The following TXNDC16 variants were observed in gnomAD, a reference collection of about 807,000 sequenced individuals.
TXNDC16 encodes thioredoxin domain-containing protein 16.
In TXNDC16, 74 loss-of-function variants were observed where a neutral mutation model predicts 85.6. That is an observed-to-expected ratio of 0.86 (90% CI 0.72 to 1.05). The LOEUF (loss-of-function observed/expected upper bound fraction) is 1.05, where lower values mean the gene tolerates loss of function less well. Among genes scored for constraint, TXNDC16 ranks in the 50% least tolerant of loss-of-function variants. TXNDC16 has a pLI of 0.00. For missense variants in TXNDC16, 959 were observed against 947.0 expected, an observed-to-expected ratio of 1.01 and a Z score of -0.17; for synonymous variants, 335 against 326.5, an observed-to-expected ratio of 1.03 and a Z score of -0.28.
intron 6 of TXNDC16, among the ~76,000 whole-genome samples, chr14:52,535,735 C>CT (rs1430165738): frequency 6.6e-6 from 1 of 152,134 alleles, no homozygotes; most frequent in Non-Finnish European, 1.5e-5. Flanking sequence ...AAAACTTAAA[C>CT]TTTCTCTCAG....
intron 12 of TXNDC16, among the ~76,000 whole-genome samples, chr14:52,483,632 G>C (rs2036199788): frequency 6.6e-6 from 1 of 152,192 alleles, no homozygotes; most frequent in South Asian, 2.1e-4. Context: ...GCAGTGGCTA[G>C]ATCATAAGAG....
At chr14:52,519,130 T>C (rs1594749023) in intron 7 of TXNDC16, 42 bp downstream of exon 7, 6 of 1,586,594 alleles carry the variant, frequency 3.8e-6, no homozygotes, top group Non-Finnish European at 5.1e-6. Flanking sequence ...CATACATAAG[T>C]ACAGAGGCAC....
chr14:52,466,784 G>A (rs1378664261), intron 16 of TXNDC16, among the ~76,000 whole-genome samples: 4 of 151,210 alleles, frequency 2.6e-5, no homozygotes, highest in African/African-American at 4.9e-5. Flanking sequence ...GGAGAATGGC[G>A]TGAACCCGGG....
chr14:52,516,039 T>C lies in TXNDC16; in HGVS notation c.515-1069A>G, dbSNP rs2037075805. The stretch of plus-strand genomic sequence containing the variant: ...AAACTCTTCCACAATTTTCTAACTC[T>C]CTCAATACTTCAAATATATCAAGTA... On this transcript the variant is annotated intron_variant, in intron 7 of 20. Transcript: ENST00000281741. 2.0e-5 allele frequency among the ~76,000 whole-genome samples: 3 copies of C among 152,150 alleles called. No homozygotes were observed. In the South Asian group the frequency reaches 6.2e-4, roughly 31 times the overall value.
intron 7 of TXNDC16, among the ~76,000 whole-genome samples, chr14:52,515,666 CAT>C (rs200196021): frequency 3.1e-4 from 34 of 109,772 alleles, no homozygotes; most frequent in Non-Finnish European, 5.1e-4. Flanking sequence ...TTATTTCATA[CAT>C]ATGTGTGTGT....
intron 9 of TXNDC16, among the ~76,000 whole-genome samples, chr14:52,510,925 A>C (rs1462033583): frequency 2.0e-5 from 3 of 152,200 alleles, no homozygotes; most frequent in Non-Finnish European, 4.4e-5. Context: ...GTGCTCACCA[A>C]GACCCAGAGT....
intron 18 of TXNDC16, among the ~76,000 whole-genome samples, chr14:52,450,850 G>GTT (rs1360922236): frequency 1.2e-4 from 7 of 58,976 alleles, no homozygotes; most frequent in East Asian, 5.6e-4. Flanking sequence ...AAGAAAATGT[G>GTT]TTTTATATAT....
At chr14:52,498,933 T>C (rs2036593283) in intron 9 of TXNDC16, among the ~76,000 whole-genome samples, 1 of 152,066 alleles carries the variant, frequency 6.6e-6, no homozygotes, top group Non-Finnish European at 1.5e-5. Context: ...ATTACAAAGC[T>C]ACAGTAATCA....
chr14:52,481,878 C>T (rs2036158934), intron 14 of TXNDC16, among the ~76,000 whole-genome samples: 1 of 152,120 alleles, frequency 6.6e-6, no homozygotes, highest in Non-Finnish European at 1.5e-5. Context: ...GGTCTTGAAT[C>T]TGCCAAATTT....
rs746403788 is a variant in TXNDC16, at chr14:52,488,381, T to A, written c.1090A>T (p.Met364Leu). ...EEIQEDEDNDMEGPDIDVQDD... is the reference protein window; with the variant it reads ...EEIQEDEDNDLEGPDIDVQDD... ...ACATTACCTATATCTGGACCTTCCATGTCATTGTCTTCATCTTCTTGTATT... is the reference window on the plus strand; with the variant it reads ...ACATTACCTATATCTGGACCTTCCAAGTCATTGTCTTCATCTTCTTGTATT... Residue 364 changes from methionine to leucine, a missense_variant, in exon 12 of 21, where the codon ATG becomes TTG. By Grantham distance (15) the Met-to-Leu change is conservative (BLOSUM62 2). Transcript: ENST00000281741. The A allele has an allele frequency of 1.2e-6, 2 of 1,613,718 alleles. No individual in the cohort carries two copies. Among genetic ancestry groups the A allele is most frequent in the Non-Finnish European group, 1.7e-6 (2 of 1,179,736 alleles).
intron 7 of TXNDC16, among the ~76,000 whole-genome samples, chr14:52,515,669 A>ATGTGTGTGTG (rs57407287): frequency 7.6e-5 from 11 of 144,242 alleles, no homozygotes; most frequent in African/African-American, 2.3e-4. Flanking sequence ...TTTCATACAT[A>ATGTGTGTGTG]TGTGTGTGTG....
At chr14:52,446,070 T>C (rs2035276752) in intron 18 of TXNDC16, among the ~76,000 whole-genome samples, 1 of 152,110 alleles carries the variant, frequency 6.6e-6, no homozygotes, top group African/African-American at 2.4e-5. Context: ...ATTTAACAAC[T>C]ATCTACACAA....
chr14:52,489,123 T>G (rs571076267), intron 11 of TXNDC16, among the ~76,000 whole-genome samples: 97 of 152,290 alleles, frequency 6.4e-4, no homozygotes, highest in African/African-American at 1.9e-3. Flanking sequence ...TATACAATTT[T>G]ACTGCAAATA....
At chr14:52,458,068 A>G (rs1452420547) in intron 16 of TXNDC16, among the ~76,000 whole-genome samples, 1 of 152,228 alleles carries the variant, frequency 6.6e-6, no homozygotes, top group Non-Finnish European at 1.5e-5. Context: ...CTGAACCCAA[A>G]GATCTGTACC....
At chr14:52,526,845 T>C (rs960722120) in intron 6 of TXNDC16, among the ~76,000 whole-genome samples, 1 of 152,158 alleles carries the variant, frequency 6.6e-6, no homozygotes, top group African/African-American at 2.4e-5. Context: ...GAAGGTTAGT[T>C]GGTCACCAAT....
At chr14:52,520,502 C>G (rs753375461) in intron 6 of TXNDC16, among the ~76,000 whole-genome samples, 1 of 151,876 alleles carries the variant, frequency 6.6e-6, no homozygotes, top group Non-Finnish European at 1.5e-5. Context: ...CCCAGCTACT[C>G]GGGAGGCTGA....
At chr14:52,496,431 T>G (rs2140161637) in intron 9 of TXNDC16, among the ~76,000 whole-genome samples, 1 of 151,580 alleles carries the variant, frequency 6.6e-6, no homozygotes, top group South Asian at 2.1e-4. Context: ...TTTTTTTTTT[T>G]TTTTTTAAAG....
At chr14:52,470,772 T>A in intron 14 of TXNDC16, 92 bp from the exon 15 acceptor site, 2 of 1,226,676 alleles carry the variant, frequency 1.6e-6, no homozygotes, top group South Asian at 3.2e-5. Context: ...CATTCTTATT[T>A]TAACCTCTCA....
At position 52,511,240 on chromosome 14, in the gene TXNDC16, C is replaced by T; in HGVS notation, c.756G>A (p.Leu252=). 6.4e-7 allele frequency: 1 copy of T among 1,557,564 alleles called. No homozygotes were observed. Among genetic ancestry groups the T allele is most frequent in the Non-Finnish European group, 8.7e-7 (1 of 1,146,548 alleles). The change falls in exon 9 of 21, where the codon TTG becomes TTA. Residue 252 remains leucine (L), a splice_region_variant and synonymous_variant. Transcript: ENST00000281741. The part of the protein sequence containing the change: ...LFIKTMKAPL[L]TEVAEDPQQV... ...TAAAAATATAAAATAAGACACATAC[C>T]AACAGAGGTGCTTTCATTGTCTTAA...
Sources: gnomAD v4.1 joint callset for allele counts (sites outside exome capture counted in the v4.1 genomes callset) on GRCh38, gnomAD v4.1.1 for gene constraint, MANE v1.5 for transcripts, NCBI Gene and HGNC (gene_info 2026-07-23, HGNC 2026-07-21) for gene names.